GBGT1: variants seen among roughly 807,000 people sequenced by gnomAD.
The protein encoded by GBGT1 is globoside alpha-1,3-N-acetylgalactosaminyltransferase 1 (FORS blood group).
Under a neutral mutation model 20.9 loss-of-function variants are expected in GBGT1, and 18 were observed. The observed-to-expected ratio is 0.86, with a 90% CI of 0.60 to 1.28. The LOEUF (loss-of-function observed/expected upper bound fraction) is 1.28. Among genes scored for constraint, GBGT1 ranks in the 50% most tolerant of loss-of-function variants. The probability of loss-of-function intolerance (pLI) is 0.00; values close to 1 mark genes in which losing one functional copy is unlikely to be tolerated. For missense variants in GBGT1, 432 were observed against 455.7 expected, an observed-to-expected ratio of 0.95 and a Z score of 0.47; for synonymous variants, 168 against 180.8, an observed-to-expected ratio of 0.93 and a Z score of 0.57.
intron 1 of GBGT1, 142 bp from the exon 2 acceptor site, chr9:133,162,674 G>T: frequency 2.0e-6 from 1 of 511,568 alleles, no homozygotes; most frequent in Non-Finnish European, 3.5e-6. Context: ...CTGAGTAGCT[G>T]GGATTACAGG....
chr9:133,153,955 G>T lies in GBGT1; in HGVS notation c.666C>A (p.Asp222Glu), dbSNP rs1410877996. 2 of 1,611,824 alleles carry T rather than the reference G, an allele frequency of 1.2e-6. No individual in the cohort carries two copies. Among genetic ancestry groups the T allele is most frequent in the Non-Finnish European group, 1.7e-6 (2 of 1,178,352 alleles). The change falls in exon 7 of 7, where the codon GAC becomes GAA. Residue 222 changes from aspartate to glutamate, a missense_variant. Asp to Glu is a conservative substitution (Grantham distance 45). Coordinates refer to ENST00000372040, the MANE Select transcript of GBGT1 (RefSeq NM_021996.6). ...RNPWGPETLGDLVAAIHPSYY... is the reference protein window; with the variant it reads ...RNPWGPETLGELVAAIHPSYY... ...AGCTTGGGTGAATGGCAGCCACCAG[G>T]TCTCCCAAGGTCTCAGGGCCCCACG...
intron 3 of GBGT1, among the ~76,000 whole-genome samples, chr9:133,159,562 G>A (rs1832971388): frequency 6.6e-6 from 1 of 152,180 alleles, no homozygotes; most frequent in South Asian, 2.1e-4. Flanking sequence ...GGGGCGAGTT[G>A]GGACGACCCC....
At chr9:133,156,180 G>T in intron 3 of GBGT1, 115 bp from the exon 4 acceptor site, 9 of 1,160,982 alleles carry the variant, frequency 7.8e-6, no homozygotes, top group Admixed American at 4.0e-5. Flanking sequence ...GTCCATGCAG[G>T]CTCCCTCTGA....
Position 133,159,968 on chromosome 9 carries a change from G to A in GBGT1, c.137+1499C>T, listed in dbSNP as rs567956307. On this transcript the variant is annotated intron_variant, in intron 3 of 6. Coordinates refer to ENST00000372040, the MANE Select transcript of GBGT1 (RefSeq NM_021996.6). Reference sequence around the variant, plus strand: ...AATTAACGGGAAGACGTAGGGAAATGAGAGTCTCACTAGTAATAATAAAAA... The same window carrying A: ...AATTAACGGGAAGACGTAGGGAAATAAGAGTCTCACTAGTAATAATAAAAA... 38 of 153,056 alleles carry A rather than the reference G, an allele frequency of 2.5e-4. 1 individual carries two copies. In the South Asian group the frequency reaches 6.8e-3, roughly 27 times the overall value. 9.5% of individuals were successfully genotyped at this position (153,056 alleles called of 1,614,324 possible). A position where few individuals can be genotyped will look rare whatever the true frequency, so the allele number is the denominator to read the frequency against.
In GBGT1 at chr9:133,155,914, G is replaced by T. The variant is rs1832856774; in HGVS notation, c.211C>A (p.Leu71Met). 2 of 1,614,054 alleles carry T rather than the reference G, an allele frequency of 1.2e-6. No homozygotes were observed. The highest frequency in any genetic ancestry group is 2.7e-5 in the African/African-American group (2 of 74,916). Residue 71 changes from leucine to methionine, a missense_variant, in exon 5 of 7, where the codon CTG becomes ATG. Coordinates refer to ENST00000372040, the MANE Select transcript of GBGT1 (RefSeq NM_021996.6). ...VVWSQYPQPK[L>M]LEHRPTQLLT... ...CATGACACCTACCTGTGCTCCAGCA[G>T]CTTGGGCTGAGGGTACTGTGACCTG...
chr9:133,153,982 G>T lies in GBGT1; in HGVS notation c.639C>A (p.Asn213Lys). 1 of 1,613,786 alleles carries T rather than the reference G, an allele frequency of 6.2e-7. No individual in the cohort carries two copies. Among genetic ancestry groups the T allele is most frequent in the East Asian group, 2.2e-5 (1 of 44,882 alleles). Reference protein sequence around the residue: ...FCLDVDMVFRNPWGPETLGDL... With the variant: ...FCLDVDMVFRKPWGPETLGDL... ...CTCCCAAGGTCTCAGGGCCCCACGG[G>T]TTCCGAAACACCATGTCCACATCAA... The change falls in exon 7 of 7, where the codon AAC becomes AAA. Residue 213 changes from asparagine (N) to lysine (K), a missense_variant. Transcript: ENST00000372040.
chr9:133,159,753 T>C (rs1396113716), intron 3 of GBGT1, among the ~76,000 whole-genome samples: 3 of 151,888 alleles, frequency 2.0e-5, no homozygotes, highest in African/African-American at 7.3e-5. Flanking sequence ...GCTGTGATCG[T>C]GCCACTGCAC....
chr9:133,161,598 C>T, intron 2 of GBGT1, 66 bp from the exon 3 acceptor site: 1 of 1,104,568 alleles, frequency 9.1e-7, no homozygotes. Flanking sequence ...AAACGCACCT[C>T]ATGCACGTCA....
In GBGT1 at chr9:133,153,949, C is replaced by G. The variant is rs143311339; in HGVS notation, c.672G>C (p.Val224=). The G allele has an allele frequency of 8.1e-6, 13 of 1,611,640 alleles. No homozygotes were observed. The highest frequency in any genetic ancestry group is 1.0e-5 in the Non-Finnish European group (12 of 1,178,092). Residue 224 remains valine, a synonymous_variant, in exon 7 of 7, where the codon GTG becomes GTC. Coordinates refer to ENST00000372040, the MANE Select transcript of GBGT1 (RefSeq NM_021996.6). The part of the protein sequence containing the change: ...PWGPETLGDL[V]AAIHPSYYAV... Reference sequence around the variant, plus strand: ...CGTAGTAGCTTGGGTGAATGGCAGCCACCAGGTCTCCCAAGGTCTCAGGGC... The same window carrying G: ...CGTAGTAGCTTGGGTGAATGGCAGCGACCAGGTCTCCCAAGGTCTCAGGGC...
chr9:133,153,994 C>T lies in GBGT1; in HGVS notation c.627G>A (p.Met209Ile), dbSNP rs1316998497. The T allele has an allele frequency of 6.2e-7, 1 of 1,613,802 alleles. No homozygotes were observed. Among genetic ancestry groups the T allele is most frequent in the Non-Finnish European group, 8.5e-7 (1 of 1,180,004 alleles). Residue 209 changes from methionine (M) to isoleucine (I), a missense_variant, in exon 7 of 7, where the codon ATG (methionine) becomes ATA (isoleucine). Physicochemically the swap from Met to Ile is conservative, Grantham distance 10 (BLOSUM62 1). Coordinates refer to ENST00000372040, the MANE Select transcript of GBGT1 (RefSeq NM_021996.6). ...CAGGGCCCCACGGGTTCCGAAACAC[C>T]ATGTCCACATCAAGGCAGAAGAGGT... Reference protein sequence around the residue: ...VDYLFCLDVDMVFRNPWGPET... With the variant: ...VDYLFCLDVDIVFRNPWGPET...
intron 5 of GBGT1, 180 bp from the exon 6 acceptor site, chr9:133,155,492 A>G: frequency 1.5e-6 from 1 of 672,330 alleles, no homozygotes; most frequent in Non-Finnish European, 2.5e-6. Context: ...TGGGAGTACC[A>G]GGAGTTAACG....
chr9:133,153,092 G>T lies in GBGT1; in HGVS notation c.*485C>A, dbSNP rs1216016144. Reference sequence around the variant, plus strand: ...CTGTTCCATTTCAAAGGCTCACTCTGGGGGCCTGAGTGAGGAATTGGCTAC... The same window carrying T: ...CTGTTCCATTTCAAAGGCTCACTCTTGGGGCCTGAGTGAGGAATTGGCTAC... On this transcript the variant is annotated 3_prime_UTR_variant, in exon 7 of 7. Transcript: ENST00000372040. 6.6e-6 allele frequency: 1 copy of T among 152,532 alleles called. No homozygotes were observed. The highest frequency in any genetic ancestry group is 1.9e-4 in the East Asian group (1 of 5,198). The allele number at this position is 152,532 out of a possible 1,614,324, so 9.4% of individuals were successfully genotyped here. A position where few individuals can be genotyped will look rare whatever the true frequency, so the allele number is the denominator to read the frequency against.
At chr9:133,156,639 G>A (rs1832879580) in intron 3 of GBGT1, among the ~76,000 whole-genome samples, 1 of 147,092 alleles carries the variant, frequency 6.8e-6, no homozygotes, top group Non-Finnish European at 1.5e-5. Flanking sequence ...CAGCCTGTGT[G>A]ACAGAGCAAG....
In GBGT1 at chr9:133,153,620, C is replaced by G. The variant is rs202004832; in HGVS notation, c.1001G>C (p.Arg334Pro). ...GATATCCTTGTCCAGTGTAGAAAAG[C>G]GGATCAGCTTCAGGCTGGGTGGCTG... Reference protein sequence around the residue: ...KPQPPSLKLIRFSTLDKDISC... With the variant: ...KPQPPSLKLIPFSTLDKDISC... The change falls in exon 7 of 7, where the codon CGC becomes CCC. Residue 334 changes from arginine (R) to proline (P), a missense_variant. Coordinates refer to ENST00000372040, the MANE Select transcript of GBGT1 (RefSeq NM_021996.6). 3 of 1,589,544 alleles carry G rather than the reference C, an allele frequency of 1.9e-6. No homozygotes were observed. The African/African-American group carries it at 4.0e-5, about 21-fold the overall frequency.
chr9:133,160,245 C>T (rs959286562), intron 3 of GBGT1: 5 of 210,964 alleles, frequency 2.4e-5, no homozygotes, highest in African/African-American at 4.7e-5. Context: ...CGCCACGGTA[C>T]TCCAGCCTGG....
At chr9:133,160,100 G>C (rs1832992245) in intron 3 of GBGT1, 1 of 300,910 alleles carries the variant, frequency 3.3e-6, no homozygotes, top group East Asian at 1.6e-4. Flanking sequence ...GACCAACCTG[G>C]CCAACATGAT....
rs530564145 is a variant in GBGT1, at chr9:133,154,957, G to A, written c.359+221C>T. On this transcript the variant is annotated intron_variant, in intron 6 of 6. Transcript: ENST00000372040. This position sits in a 1 kb window ranked among gnomAD's most constrained non-coding sequence, Gnocchi z 4.2. ...AAGGCTCCTGCTGTCCCCTCACCTG[G>A]ACTCTGCATCCTGTCTATGCTAGAG... is the stretch of plus-strand genomic sequence containing the variant. 2.1e-5 allele frequency: 11 copies of A among 526,668 alleles called. No homozygotes were observed. In the South Asian group the frequency reaches 2.6e-4, roughly 13 times the overall value. 32.6% of individuals were successfully genotyped at this position (526,668 alleles called of 1,614,324 possible). A position where few individuals can be genotyped will look rare whatever the true frequency, so the allele number is the denominator to read the frequency against.
At chr9:133,160,709 G>C (rs1258272751) in intron 3 of GBGT1, among the ~76,000 whole-genome samples, 1 of 152,100 alleles carries the variant, frequency 6.6e-6, no homozygotes, top group African/African-American at 2.4e-5. Flanking sequence ...TCCCTGGGTG[G>C]AATAAGATGA....
chr9:133,162,941 C>T (rs1206839735), intron 1 of GBGT1, among the ~76,000 whole-genome samples: 1 of 152,258 alleles, frequency 6.6e-6, no homozygotes, highest in East Asian at 1.9e-4. Flanking sequence ...ACCCCGGGCT[C>T]AGCTCTGGCA....
Sources: allele counts gnomAD v4.1 joint callset (sites outside exome capture counted in the v4.1 genomes callset), GRCh38; gene constraint gnomAD v4.1.1; non-coding constraint Gnocchi (gnomAD v3.1); transcripts MANE v1.5; gene names NCBI Gene and HGNC (gene_info 2026-07-23, HGNC 2026-07-21).